CEP112: variants seen among roughly 807,000 people sequenced by gnomAD.
CEP112 encodes the protein centrosomal protein of 112 kDa.
CEP112 carries 127 observed loss-of-function variants against 153.0 expected under a neutral mutation model. The observed-to-expected ratio is 0.83, with a 90% CI of 0.72 to 0.96. The LOEUF is 0.96. CEP112 is among the 40% of genes least tolerant of loss of function. CEP112 has a pLI of 0.00. For synonymous variants in CEP112, 358 were observed against 374.4 expected, an observed-to-expected ratio of 0.96 and a Z score of 0.51; for missense variants, 1,089 against 1,101.2, an observed-to-expected ratio of 0.99 and a Z score of 0.16.
chr17:65,785,824 T>C (rs1216746897), intron 21 of CEP112, among the ~76,000 whole-genome samples: 1 of 152,192 alleles, frequency 6.6e-6, no homozygotes, highest in African/African-American at 2.4e-5. Flanking sequence ...GTGATTCACT[T>C]TGAGGTCCTT....
At chr17:66,137,662 T>A (rs2070497487) in intron 4 of CEP112, among the ~76,000 whole-genome samples, 1 of 152,158 alleles carries the variant, frequency 6.6e-6, no homozygotes, top group South Asian at 2.1e-4. Context: ...TGGGATGATA[T>A]ATGCAAAGTA....
chr17:65,751,762 C>A (rs1023164466), intron 21 of CEP112, among the ~76,000 whole-genome samples: 2 of 152,022 alleles, frequency 1.3e-5, no homozygotes, highest in African/African-American at 4.8e-5. Context: ...CCTTTTTGTT[C>A]TTTGAACAGC....
chr17:65,763,148 T>A (rs1417209037), intron 21 of CEP112, among the ~76,000 whole-genome samples: 2 of 152,096 alleles, frequency 1.3e-5, no homozygotes, highest in Non-Finnish European at 2.9e-5. Context: ...CACGCTTGCA[T>A]GATTTCTTAG....
At chr17:65,839,580 T>C (rs892465680) in intron 21 of CEP112, among the ~76,000 whole-genome samples, 1 of 151,872 alleles carries the variant, frequency 6.6e-6, no homozygotes, top group African/African-American at 2.4e-5. Context: ...AGGGAAAAAT[T>C]GAGAGCCTTT....
intron 21 of CEP112, among the ~76,000 whole-genome samples, chr17:65,832,806 C>T (rs1392267307): frequency 2.0e-5 from 3 of 152,128 alleles, no homozygotes; most frequent in Non-Finnish European, 4.4e-5. Flanking sequence ...CCTACTGAAA[C>T]TATTTCAAAA....
chr17:65,804,937 C>T (rs1359165847), intron 21 of CEP112, among the ~76,000 whole-genome samples: 1 of 151,946 alleles, frequency 6.6e-6, no homozygotes. Context: ...CAACCTCCAC[C>T]TCCTGGGTTC....
At chr17:65,965,518 C>CCTTTTTTTT (rs1555734627) in intron 17 of CEP112, among the ~76,000 whole-genome samples, 1 of 122,090 alleles carries the variant, frequency 8.2e-6, no homozygotes, top group Non-Finnish European at 1.7e-5. Context: ...CTTCTGCCCC[C>CCTTTTTTTT]TTTTTTTTTT....
chr17:66,073,451 C>T (rs565195892), intron 8 of CEP112, among the ~76,000 whole-genome samples: 5 of 152,338 alleles, frequency 3.3e-5, no homozygotes, highest in African/African-American at 1.2e-4. Context: ...TCCTCAACCA[C>T]AGGCTGATGG....
chr17:66,057,821 A>G (rs577799506), intron 11 of CEP112, among the ~76,000 whole-genome samples: 1 of 151,620 alleles, frequency 6.6e-6, no homozygotes, highest in African/African-American at 2.4e-5. Context: ...GGGCAGGTAC[A>G]GTGGCTCACA....
intron 8 of CEP112, among the ~76,000 whole-genome samples, chr17:66,085,051 T>C (rs771070207): frequency 6.6e-6 from 1 of 152,176 alleles, no homozygotes; most frequent in Non-Finnish European, 1.5e-5. Context: ...AGAAAAATAT[T>C]TGTAAGACAT....
At chr17:66,190,091 A>G (rs537550141) in intron 1 of CEP112, among the ~76,000 whole-genome samples, 1 of 152,188 alleles carries the variant, frequency 6.6e-6, no homozygotes, top group South Asian at 2.1e-4. Flanking sequence ...GCACTTTGGG[A>G]GGCCGAGGCG....
intron 12 of CEP112, among the ~76,000 whole-genome samples, chr17:66,049,160 T>A (rs2066337186): frequency 6.6e-6 from 1 of 152,124 alleles, no homozygotes; most frequent in Non-Finnish European, 1.5e-5. Flanking sequence ...GTTCACCCCA[T>A]CCTTGCTACT....
intron 20 of CEP112, among the ~76,000 whole-genome samples, chr17:65,867,873 G>A (rs967759126): frequency 2.0e-5 from 3 of 151,782 alleles, no homozygotes; most frequent in East Asian, 1.9e-4. Flanking sequence ...TGTCTGCAGC[G>A]GCCAACTTAT....
At chr17:65,905,484 A>G (rs1043372980) in intron 19 of CEP112, among the ~76,000 whole-genome samples, 1 of 152,226 alleles carries the variant, frequency 6.6e-6, no homozygotes, top group Non-Finnish European at 1.5e-5. Context: ...AAACAGGAAC[A>G]CTTTTACACT....
rs9891466 is a variant in CEP112 at position 65,835,851 on chromosome 17, A to T, written c.2394+15953T>A. ...TCTAATACTGGAATGGAAGCACTTA[A>T]ACCACTATGTGTTCAGCATGCAGAC... On this transcript the variant is annotated intron_variant, in intron 21 of 26. Coordinates refer to ENST00000535342, the MANE Select transcript of CEP112 (RefSeq NM_001199165.4). 3.2e-3 allele frequency among the ~76,000 whole-genome samples: 480 copies of T among 152,344 alleles called. 3 individuals are homozygous for T. The highest frequency in any genetic ancestry group is 0.011 in the African/African-American group (456 of 41,578).
At chr17:65,650,673 A>G (rs944260008) in intron 24 of CEP112, among the ~76,000 whole-genome samples, 1 of 148,246 alleles carries the variant, frequency 6.7e-6, no homozygotes, top group Non-Finnish European at 1.5e-5. Context: ...AGGTGGGCAG[A>G]TCACCTGAGG....
rs139956075 is a variant in CEP112, at chr17:65,691,196, T to C, written c.2608-1978A>G. ...GAGAGGAGCCGGAGCTCAGCCTCAG[T>C]TGGCTTCAGTTTGAAATGCCTATTA... On this transcript the variant is annotated intron_variant, in intron 23 of 26. Coordinates refer to ENST00000535342, the MANE Select transcript of CEP112 (RefSeq NM_001199165.4). Among the ~76,000 whole-genome samples, 262 of 152,246 alleles carry C rather than the reference T, an allele frequency of 1.7e-3. 1 individual carries two copies. The highest frequency in any genetic ancestry group is 3.1e-3 in the African/African-American group (129 of 41,560).
intron 11 of CEP112, among the ~76,000 whole-genome samples, chr17:66,054,778 A>T (rs2066609031): frequency 6.6e-6 from 1 of 152,124 alleles, no homozygotes; most frequent in Non-Finnish European, 1.5e-5. Context: ...TTGTTTTGAG[A>T]TGGAGTCTCA....
At chr17:66,128,302 CAAAAAAAAA>C (rs33978059) in intron 6 of CEP112, among the ~76,000 whole-genome samples, 1 of 73,556 alleles carries the variant, frequency 1.4e-5, no homozygotes, top group Non-Finnish European at 2.4e-5. Context: ...GATTCTGTCT[CAAAAAAAAA>C]AAAAAAAAAA....
Sources: allele counts gnomAD v4.1 joint callset (sites outside exome capture counted in the v4.1 genomes callset), GRCh38; gene constraint gnomAD v4.1.1; transcripts MANE v1.5; gene names NCBI Gene and HGNC (gene_info 2026-07-23, HGNC 2026-07-21).